The following DACH1 variants were observed in gnomAD, a reference collection of about 807,000 sequenced individuals.
DACH1 encodes dachshund family transcription factor 1, also known as dachshund homolog 1.
A neutral mutation model predicts 54.2 loss-of-function variants in DACH1; 12 were observed. That is an observed-to-expected ratio of 0.22 (90% CI 0.14 to 0.36). The LOEUF (loss-of-function observed/expected upper bound fraction) is 0.36. Among genes scored for constraint, DACH1 ranks in the 10% least tolerant of loss-of-function variants. The pLI, the probability that DACH1 is intolerant of heterozygous loss-of-function variation, is 1.00. For missense variants in DACH1, 805 were observed against 929.8 expected (o/e 0.87, Z 1.75); for synonymous variants, 386 against 366.2 (o/e 1.05, Z -0.62).
chr13:71,771,673 T>C (rs1885857532), intron 1 of DACH1, among the ~76,000 whole-genome samples: 1 of 151,492 alleles, frequency 6.6e-6, no homozygotes, highest in Admixed American at 6.6e-5. Flanking sequence ...AATTAAGATA[T>C]AGTGTTGGTA....
At position 71,748,769 on chromosome 13, in the gene DACH1, T is replaced by C. The variant is rs966506987; in HGVS notation, c.849-66859A>G. Among the ~76,000 whole-genome samples, 5 of 152,188 alleles carry C rather than the reference T, an allele frequency of 3.3e-5. No homozygotes were observed. In the South Asian group the frequency reaches 6.2e-4, roughly 19 times the overall value. On this transcript the variant is annotated intron_variant, in intron 1 of 10. Coordinates refer to ENST00000613252, the MANE Select transcript of DACH1 (RefSeq NM_080759.6). ...ACATATGGGACATTTTCTTAACTAA[T>C]ATATCATCTTTCATAACATGATTAG...
intron 1 of DACH1, among the ~76,000 whole-genome samples, chr13:71,779,210 TATATATACGTATATACGTATATATAC>T (rs1566494976): frequency 1.3e-4 from 14 of 104,550 alleles, no homozygotes; most frequent in African/African-American, 4.9e-4. Flanking sequence ...TATATGTGTA[TATATATACGTATATACGTATATATAC>T]ACATATATAC....
At chr13:71,620,457 T>C (rs1054680800) in intron 3 of DACH1, among the ~76,000 whole-genome samples, 3 of 151,968 alleles carry the variant, frequency 2.0e-5, no homozygotes, top group Admixed American at 6.6e-5. Flanking sequence ...AGCTCTATTA[T>C]ATGGATCTGT....
chr13:71,700,528 C>T (rs763464841), intron 1 of DACH1, among the ~76,000 whole-genome samples: 5 of 142,110 alleles, frequency 3.5e-5, no homozygotes, highest in Non-Finnish European at 3.0e-5. Flanking sequence ...TGCACTCCAT[C>T]CTGGGTGACA....
chr13:71,480,383 A>G (rs1877922672), intron 7 of DACH1, among the ~76,000 whole-genome samples: 1 of 152,232 alleles, frequency 6.6e-6, no homozygotes, highest in Admixed American at 6.5e-5. Flanking sequence ...AATGGTGAAT[A>G]TATAAATATG....
At chr13:71,592,355 C>T (rs1267782306) in intron 3 of DACH1, among the ~76,000 whole-genome samples, 5 of 151,304 alleles carry the variant, frequency 3.3e-5, no homozygotes, top group East Asian at 1.9e-4. Context: ...GCTAGCTGGG[C>T]GTGGTGACAT....
intron 10 of DACH1, among the ~76,000 whole-genome samples, chr13:71,455,244 T>C (rs1429324792): frequency 6.6e-6 from 1 of 152,060 alleles, no homozygotes; most frequent in Non-Finnish European, 1.5e-5. Flanking sequence ...AAAGATTTGT[T>C]TTGTCATACA....
At chr13:71,693,573 C>T (rs2138730438) in intron 1 of DACH1, among the ~76,000 whole-genome samples, 1 of 151,390 alleles carries the variant, frequency 6.6e-6, no homozygotes, top group Non-Finnish European at 1.5e-5. Context: ...CCGCCTCGGC[C>T]TCCCAAAGTG....
chr13:71,623,060 CATGTT>C (rs1566385911), intron 3 of DACH1, among the ~76,000 whole-genome samples: 3 of 151,680 alleles, frequency 2.0e-5, no homozygotes. Context: ...GAAACTAGTA[CATGTT>C]ATAAATCATG....
intron 1 of DACH1, among the ~76,000 whole-genome samples, chr13:71,804,076 C>T (rs576596782): frequency 1.3e-5 from 2 of 152,190 alleles, no homozygotes; most frequent in South Asian, 2.1e-4. Flanking sequence ...CCCAGCACTT[C>T]GAGAGGCCAA....
At chr13:71,726,834 T>C (rs916260529) in intron 1 of DACH1, among the ~76,000 whole-genome samples, 3 of 152,176 alleles carry the variant, frequency 2.0e-5, no homozygotes, top group Admixed American at 6.6e-5. Context: ...TTAGCTCTGG[T>C]ATATTTTTTA....
chr13:71,499,962 G>A (rs1879774563), intron 6 of DACH1, among the ~76,000 whole-genome samples: 1 of 151,760 alleles, frequency 6.6e-6, no homozygotes, highest in South Asian at 2.1e-4. Flanking sequence ...ACATTCCACA[G>A]CTCTAAATGA....
chr13:71,763,147 T>C lies in DACH1; in HGVS notation c.849-81237A>G, dbSNP rs143815223. 9.8e-4 allele frequency among the ~76,000 whole-genome samples: 149 copies of C among 152,364 alleles called. 1 individual carries two copies. Among genetic ancestry groups the C allele is most frequent in the Middle Eastern group, 3.4e-3 (1 of 294 alleles). Reference sequence around the variant, plus strand: ...GTTTTGTTTGAAGCATTTTAACATATATTAACTCACTGATTCCTTATGACT... The same window carrying C: ...GTTTTGTTTGAAGCATTTTAACATACATTAACTCACTGATTCCTTATGACT... On this transcript the variant is annotated intron_variant, in intron 1 of 10. Coordinates refer to ENST00000613252, the MANE Select transcript of DACH1 (RefSeq NM_080759.6).
At chr13:71,729,978 G>A (rs1460315135) in intron 1 of DACH1, among the ~76,000 whole-genome samples, 2 of 151,854 alleles carry the variant, frequency 1.3e-5, no homozygotes, top group Non-Finnish European at 2.9e-5. Context: ...ATCTTAACAA[G>A]TTATTCTGTA....
intron 6 of DACH1, among the ~76,000 whole-genome samples, chr13:71,530,063 A>G (rs1882310796): frequency 6.6e-6 from 1 of 152,198 alleles, no homozygotes. Flanking sequence ...CTTTCATGCC[A>G]TATGAAATAA....
intron 6 of DACH1, among the ~76,000 whole-genome samples, chr13:71,520,577 C>A (rs1881523547): frequency 1.3e-5 from 2 of 148,624 alleles, no homozygotes; most frequent in South Asian, 2.1e-4. Flanking sequence ...TGATTACAAT[C>A]AAAATAAATA....
chr13:71,567,772 T>G (rs1045862512), intron 4 of DACH1, among the ~76,000 whole-genome samples: 20 of 152,062 alleles, frequency 1.3e-4, no homozygotes, highest in Admixed American at 5.9e-4. Context: ...GTAGTCTTTT[T>G]TCAGAACACA....
chr13:71,729,790 A>G (rs1035643451), intron 1 of DACH1, among the ~76,000 whole-genome samples: 5 of 152,102 alleles, frequency 3.3e-5, no homozygotes, highest in South Asian at 2.1e-4. Context: ...TAAAAATAAT[A>G]AAACTTCTCA....
chr13:71,589,156 T>C (rs1873510670), intron 3 of DACH1, among the ~76,000 whole-genome samples: 1 of 152,032 alleles, frequency 6.6e-6, no homozygotes, highest in East Asian at 1.9e-4. Flanking sequence ...AAGCTGCTTT[T>C]AGTTAAAACA....
Sources: allele counts gnomAD v4.1 joint callset (sites outside exome capture counted in the v4.1 genomes callset), GRCh38; gene constraint gnomAD v4.1.1; transcripts MANE v1.5; gene names NCBI Gene and HGNC (gene_info 2026-07-23, HGNC 2026-07-21).